The following SGCD variants were observed in gnomAD, a reference collection of about 807,000 sequenced individuals.
SGCD encodes delta-sarcoglycan.
In SGCD, 18 loss-of-function variants were observed where a neutral mutation model predicts 36.6. That is an observed-to-expected ratio of 0.49 (90% confidence interval 0.34 to 0.73). The LOEUF (loss-of-function observed/expected upper bound fraction) is 0.73. Among genes scored for constraint, SGCD ranks in the 30% least tolerant of loss-of-function variants. The pLI is 0.01. For synonymous variants in SGCD, 133 were observed against 130.6 expected (o/e 1.02, Z -0.12); for missense variants, 387 against 346.7 (o/e 1.12, Z -0.92).
At chr5:156,699,476 A>AT (rs113240058) in intron 7 of SGCD, among the ~76,000 whole-genome samples, 40 of 147,538 alleles carry the variant, frequency 2.7e-4, no homozygotes, top group South Asian at 4.3e-4. Flanking sequence ...ATTTCAGTTC[A>AT]TTTTTTTTTT....
chr5:156,317,589 A>G (rs1767551580), intron 3 of SGCD, among the ~76,000 whole-genome samples: 1 of 152,198 alleles, frequency 6.6e-6, no homozygotes, highest in Non-Finnish European at 1.5e-5. Context: ...TAAAGTATTC[A>G]CATGATGTGT....
chr5:156,592,176 C>T (rs1441594838), intron 5 of SGCD, among the ~76,000 whole-genome samples: 2 of 137,038 alleles, frequency 1.5e-5, no homozygotes, highest in Non-Finnish European at 1.5e-5. Context: ...GATGATATTG[C>T]CCAGGTCCAC....
chr5:155,797,514 T>A, the SGCD span, among the ~76,000 whole-genome samples: 1 of 152,094 alleles, frequency 6.6e-6, no homozygotes, highest in Non-Finnish European at 1.5e-5. Flanking sequence ...AGAATTGCTA[T>A]TGAATTTTAG....
the SGCD span, among the ~76,000 whole-genome samples, chr5:155,819,474 A>G: frequency 6.6e-6 from 1 of 152,210 alleles, no homozygotes; most frequent in Non-Finnish European, 1.5e-5. Flanking sequence ...AATAATGGTA[A>G]TAATAACAAA....
intron 3 of SGCD, among the ~76,000 whole-genome samples, chr5:156,398,854 G>A (rs1038067587): frequency 2.6e-5 from 4 of 152,094 alleles, no homozygotes; most frequent in African/African-American, 4.8e-5. Context: ...TGGGTATATT[G>A]TCTAATATGG....
At chr5:156,699,700 GA>G (rs1754455714) in intron 7 of SGCD, among the ~76,000 whole-genome samples, 1 of 152,144 alleles carries the variant, frequency 6.6e-6, no homozygotes, top group Non-Finnish European at 1.5e-5. Flanking sequence ...AACCAAAAAA[GA>G]AATAAGGTTT....
At chr5:156,482,812 A>G (rs1283989402) in intron 3 of SGCD, among the ~76,000 whole-genome samples, 3 of 57,142 alleles carry the variant, frequency 5.3e-5, no homozygotes, top group South Asian at 1.4e-3. Flanking sequence ...CCTTTTGGTC[A>G]GTTTTTTTTT....
At chr5:156,416,943 G>A (rs1456212144) in intron 3 of SGCD, among the ~76,000 whole-genome samples, 1 of 152,078 alleles carries the variant, frequency 6.6e-6, no homozygotes, top group South Asian at 2.1e-4. Flanking sequence ...TTATTAATGA[G>A]GTTGAAGAAT....
intron 7 of SGCD, among the ~76,000 whole-genome samples, chr5:156,713,417 G>GC (rs1246015359): frequency 5.4e-5 from 8 of 148,998 alleles, no homozygotes; most frequent in African/African-American, 2.0e-4. Flanking sequence ...TGTCGGGGGG[G>GC]GCGTTATAGG....
chr5:155,765,115 CA>C, the SGCD span, among the ~76,000 whole-genome samples: 3 of 151,556 alleles, frequency 2.0e-5, no homozygotes, highest in East Asian at 1.9e-4. Context: ...CCCATCTCTA[CA>C]AAAAAATTTA....
At chr5:155,938,833 A>C (rs9313627) in intron 1 of SGCD, among the ~76,000 whole-genome samples, 6,717 of 152,314 alleles carry the variant, frequency 0.044, 525 homozygotes, top group African/African-American at 0.15. Context: ...AGATAAGACA[A>C]CTGTTAAACT....
chr5:156,076,898 A>G (rs1760800988), intron 1 of SGCD, among the ~76,000 whole-genome samples: 1 of 152,194 alleles, frequency 6.6e-6, no homozygotes, highest in Non-Finnish European at 1.5e-5. Context: ...GAAACCAGTG[A>G]ATAAAATTAT....
chr5:156,628,135 G>C (rs534347316), intron 6 of SGCD, among the ~76,000 whole-genome samples: 2 of 152,264 alleles, frequency 1.3e-5, no homozygotes, highest in Admixed American at 1.3e-4. Flanking sequence ...GGAGACTGGG[G>C]AGGTGCCACA....
chr5:156,144,507 C>G (rs563214788), intron 3 of SGCD, among the ~76,000 whole-genome samples: 18 of 152,286 alleles, frequency 1.2e-4, no homozygotes, highest in Admixed American at 2.6e-4. Flanking sequence ...AGCATTTTTT[C>G]ATGTGTCTTT....
At position 156,367,235 on chromosome 5, in the gene SGCD, G is replaced by T. The variant is rs553708331; in HGVS notation, c.192+22558G>T. Among the ~76,000 whole-genome samples, 9 of 152,276 alleles carry T rather than the reference G, an allele frequency of 5.9e-5. No individual in the cohort carries two copies. In the South Asian group the frequency reaches 1.9e-3, roughly 32 times the overall value. On this transcript the variant is annotated intron_variant, in intron 3 of 8. Transcript: ENST00000337851. ...AAAATGCCAGATTTACATCCACAAA[G>T]GTGAGAAAGGGGTAGAAAGAGGATG...
chr5:156,746,918 A>C (rs2113120581), intron 7 of SGCD, among the ~76,000 whole-genome samples: 1 of 146,570 alleles, frequency 6.8e-6, no homozygotes, highest in East Asian at 1.9e-4. Flanking sequence ...CACTGCTTAA[A>C]AAATGATAAA....
chr5:156,152,556 T>C (rs1762856912), intron 3 of SGCD, among the ~76,000 whole-genome samples: 1 of 151,726 alleles, frequency 6.6e-6, no homozygotes, highest in South Asian at 2.1e-4. Context: ...AGGATATCTC[T>C]ATTCATTTTA....
intron 6 of SGCD, among the ~76,000 whole-genome samples, chr5:156,598,589 C>T (rs1761035019): frequency 6.6e-6 from 1 of 151,794 alleles, no homozygotes; most frequent in Non-Finnish European, 1.5e-5. Context: ...AGCTGTAAAA[C>T]AAAAATGCCT....
intron 6 of SGCD, 135 bp downstream of exon 6, chr5:156,595,186 T>G: frequency 9.4e-7 from 1 of 1,067,220 alleles, no homozygotes; most frequent in Non-Finnish European, 1.3e-6. Context: ...GATAATGGTA[T>G]TAGGAGGTGG....
Sources: allele counts gnomAD v4.1 joint callset (sites outside exome capture counted in the v4.1 genomes callset), GRCh38; gene constraint gnomAD v4.1.1; transcripts MANE v1.5; gene names NCBI Gene and HGNC (gene_info 2026-07-23, HGNC 2026-07-21).